The following KNTC1 variants were observed in gnomAD, a reference collection of about 807,000 sequenced individuals.
KNTC1 encodes kinetochore associated 1.
A neutral mutation model predicts 314.4 loss-of-function variants in KNTC1; 253 were observed. The ratio of observed to expected loss-of-function variants is 0.80; its 90% CI spans 0.73 to 0.89. The LOEUF is 0.89. Ranked by LOEUF, KNTC1 falls within the 40% of genes least tolerant of loss-of-function variation. The pLI is 0.00. For synonymous variants in KNTC1, 901 were observed against 901.4 expected, an observed-to-expected ratio of 1.00 and a Z score of 0.01; for missense variants, 2,475 against 2,572.9, an observed-to-expected ratio of 0.96 and a Z score of 0.82.
chr12:122,622,016 T>G (rs765414517), intron 61 of KNTC1, 46 bp downstream of exon 61: 1 of 1,290,188 alleles, frequency 7.8e-7, no homozygotes, highest in Non-Finnish European at 1.1e-6. Context: ...ATGTTGATAC[T>G]AGAAGGTAGT....
Position 122,618,551 on chromosome 12 carries a change from C to G in KNTC1, c.6149+6C>G. 6.3e-7 allele frequency: 1 copy of G among 1,589,674 alleles called. No homozygotes were observed. Among genetic ancestry groups the G allele is most frequent in the Non-Finnish European group, 8.6e-7 (1 of 1,167,090 alleles). ...AGTCTCATCGCTGTCCTCGAGTAAG[C>G]AAAATATTTGTTCTACCAAAAAAAA... On this transcript the variant is annotated splice_donor_region_variant and intron_variant, in intron 59 of 63. Transcript: ENST00000333479.
intron 29 of KNTC1, 25 bp from the exon 30 acceptor site, chr12:122,576,870 G>A (rs762179845): frequency 5.9e-6 from 9 of 1,518,948 alleles, no homozygotes; most frequent in South Asian, 1.3e-5. Context: ...CTATAACAAA[G>A]AAATGTTCAT....
chr12:122,599,437 T>C (rs1232798392), intron 44 of KNTC1, among the ~76,000 whole-genome samples: 1 of 152,032 alleles, frequency 6.6e-6, no homozygotes, highest in Non-Finnish European at 1.5e-5. Flanking sequence ...CTCGGCTCGC[T>C]GTAGCCTCTG....
At chr12:122,611,048 C>T (rs1873062372) in intron 53 of KNTC1, 148 bp downstream of exon 53, 1 of 649,640 alleles carries the variant, frequency 1.5e-6, no homozygotes, top group South Asian at 1.8e-5. Flanking sequence ...ATCTCCTAAG[C>T]AAGCATTGTC....
intron 2 of KNTC1, among the ~76,000 whole-genome samples, chr12:122,532,574 T>A (rs1398530093): frequency 6.6e-6 from 1 of 152,130 alleles, no homozygotes; most frequent in African/African-American, 2.4e-5. Flanking sequence ...GACCTCAAGG[T>A]TGCTGTTGAA....
At chr12:122,590,458 A>G in intron 40 of KNTC1, 149 bp from the exon 41 acceptor site, 1 of 690,030 alleles carries the variant, frequency 1.4e-6, no homozygotes, top group Non-Finnish European at 2.3e-6. Context: ...ACCTTGAGAC[A>G]CTGAATTCTG....
rs1250808275 is a variant in KNTC1, at chr12:122,557,693, G to A, written c.1488+4G>A. ...GCTGAATTATGCCAAAACCAGGGTAGGTTCGTTTTTTTGTATTTTGTTTTT... is the reference window on the plus strand; with the variant it reads ...GCTGAATTATGCCAAAACCAGGGTAAGTTCGTTTTTTTGTATTTTGTTTTT... On this transcript the variant is annotated splice_donor_region_variant and intron_variant, in intron 18 of 63. Coordinates refer to ENST00000333479, the MANE Select transcript of KNTC1 (RefSeq NM_014708.6). The A allele has an allele frequency of 6.2e-7, 1 of 1,609,130 alleles. No individual in the cohort carries two copies. The highest frequency in any genetic ancestry group is 8.5e-7 in the Non-Finnish European group (1 of 1,177,560).
At chr12:122,580,089 G>T (rs1965304364) in intron 32 of KNTC1, 112 bp downstream of exon 32, 3 of 692,586 alleles carry the variant, frequency 4.3e-6, no homozygotes, top group Non-Finnish European at 7.5e-6. Flanking sequence ...GGTTCTGATT[G>T]TCTTTATTGA....
intron 53 of KNTC1, among the ~76,000 whole-genome samples, chr12:122,612,086 G>A (rs1246778758): frequency 6.7e-6 from 1 of 148,782 alleles, no homozygotes; most frequent in African/African-American, 2.5e-5. Context: ...TTTTTTTTGA[G>A]ATGGAGTCTT....
chr12:122,580,944 C>G (rs1016645540), intron 33 of KNTC1, among the ~76,000 whole-genome samples: 3 of 151,330 alleles, frequency 2.0e-5, no homozygotes, highest in African/African-American at 7.3e-5. Context: ...AGGAGAATTG[C>G]TTGAACCCGG....
intron 2 of KNTC1, among the ~76,000 whole-genome samples, chr12:122,531,679 C>T (rs1406819384): frequency 6.6e-6 from 1 of 151,972 alleles, no homozygotes; most frequent in African/African-American, 2.4e-5. Context: ...TTGAATCCTT[C>T]GAGACATCTG....
rs980564879 is a variant in KNTC1, at chr12:122,541,950, G to A, written c.446-100G>A. 1.2e-5 allele frequency: 14 copies of A among 1,185,260 alleles called. No individual in the cohort carries two copies. The African/African-American group carries it at 2.2e-4, about 19-fold the overall frequency. The allele number at this position is 1,185,260 out of a possible 1,614,324, so 73.4% of individuals were successfully genotyped here. On this transcript the variant is annotated intron_variant, in intron 5 of 63. Coordinates refer to ENST00000333479, the MANE Select transcript of KNTC1 (RefSeq NM_014708.6). ...AGGAGAATTGCACCCTAGAGGCGGA[G>A]GTTGCAGGGAGCCGAGATCGCGCTG...
chr12:122,575,915 G>C lies in KNTC1; in HGVS notation c.2586+16G>C. The C allele has an allele frequency of 1.3e-6, 2 of 1,581,834 alleles. No individual in the cohort carries two copies. Among genetic ancestry groups the C allele is most frequent in the Non-Finnish European group, 1.7e-6 (2 of 1,170,150 alleles). ...GGAAATAATGGTAAGTACACTCTTC[G>C]AAGAGTCTTTTTTCTCTTTCATTTC... On this transcript the variant is annotated intron_variant, in intron 29 of 63. Transcript: ENST00000333479.
chr12:122,613,780 C>T lies in KNTC1; in HGVS notation c.5877+19C>T. 1 of 1,571,182 alleles carries T rather than the reference C, an allele frequency of 6.4e-7. No individual in the cohort carries two copies. On this transcript the variant is annotated intron_variant, in intron 55 of 63. Transcript: ENST00000333479. ...GTCCATGGTAGGTACACCTCACTGC[C>T]CCATTCCCAATTCCCTGCCCCTACT...
chr12:122,579,079 T>G (rs1965222165), intron 31 of KNTC1, among the ~76,000 whole-genome samples: 1 of 72,954 alleles, frequency 1.4e-5, no homozygotes, highest in Non-Finnish European at 2.4e-5. Flanking sequence ...TTTTTTTTTT[T>G]TTTGAGACGG....
At chr12:122,579,724 T>A (rs182946094) in intron 31 of KNTC1, among the ~76,000 whole-genome samples, 181 bp from the exon 32 acceptor site, 1 of 152,236 alleles carries the variant, frequency 6.6e-6, no homozygotes, top group African/African-American at 2.4e-5. Flanking sequence ...TATCCAGGAG[T>A]TCATACTGGA....
At chr12:122,622,636 C>T (rs1360270315) in intron 62 of KNTC1, 29 bp downstream of exon 62, 24 of 1,420,192 alleles carry the variant, frequency 1.7e-5, no homozygotes, top group Non-Finnish European at 2.1e-5. Context: ...AAAAAACTTA[C>T]TGTGGAATTT....
At position 122,586,729 on chromosome 12, in the gene KNTC1, C is replaced by T; in HGVS notation, c.3702C>T (p.Thr1234=). 6.7e-7 allele frequency: 1 copy of T among 1,493,208 alleles called. No homozygotes were observed. The highest frequency in any genetic ancestry group is 9.0e-7 in the Non-Finnish European group (1 of 1,108,634). The allele number at this position is 1,493,208 out of a possible 1,614,324, so 92.5% of individuals were successfully genotyped here. ...AESKRYPLES[T]SLPYCSLNEG... Reference sequence around the variant, plus strand: ...GCAAGAGATATCCCTTGGAGTCTACCAGTTTGCCATACTGCTCCCTTAATG... The same window carrying T: ...GCAAGAGATATCCCTTGGAGTCTACTAGTTTGCCATACTGCTCCCTTAATG... Residue 1234 remains threonine, a synonymous_variant, in exon 38 of 64, where the codon ACC becomes ACT. Transcript: ENST00000333479.
rs1427754051 is a variant in KNTC1 at position 122,586,696 on chromosome 12, T to C, written c.3674-5T>C. 2 of 1,442,234 alleles carry C rather than the reference T, an allele frequency of 1.4e-6. No individual in the cohort carries two copies. The highest frequency in any genetic ancestry group is 5.1e-5 in the East Asian group (2 of 39,530). The allele number at this position is 1,442,234 out of a possible 1,614,324, so 89.3% of individuals were successfully genotyped here. ...TGTTGTTTAATGTTTTATTATCTTT[T>C]GTAGAAAGCAAGAGATATCCCTTGG... is the stretch of plus-strand genomic sequence containing the variant. On this transcript the variant is annotated splice_region_variant and splice_polypyrimidine_tract_variant and intron_variant, in intron 37 of 63. Transcript: ENST00000333479.
Sources: gnomAD v4.1 joint callset for allele counts (sites outside exome capture counted in the v4.1 genomes callset) on GRCh38, gnomAD v4.1.1 for gene constraint, MANE v1.5 for transcripts, NCBI Gene and HGNC (gene_info 2026-07-23, HGNC 2026-07-21) for gene names.